Variants in SPOCK1 observed in about 807,000 individuals in gnomAD.
The protein encoded by SPOCK1 is testican-1.
SPOCK1 carries 23 observed loss-of-function variants against 55.3 expected under a neutral mutation model. The ratio of observed to expected loss-of-function variants is 0.42; its 90% CI spans 0.30 to 0.59. The LOEUF (loss-of-function observed/expected upper bound fraction) is 0.59. Ranked by LOEUF, SPOCK1 falls within the 20% of genes least tolerant of loss-of-function variation. SPOCK1 has a pLI of 0.22. For synonymous variants in SPOCK1, 226 were observed against 221.0 expected (o/e 1.02, Z -0.20); for missense variants, 499 against 552.5 (o/e 0.90, Z 0.97).
chr5:137,249,225 C>G (rs928082149), intron 3 of SPOCK1, among the ~76,000 whole-genome samples: 1 of 152,118 alleles, frequency 6.6e-6, no homozygotes, highest in African/African-American at 2.4e-5. Flanking sequence ...TGCACATTTC[C>G]TTTGATGTAG....
intron 2 of SPOCK1, among the ~76,000 whole-genome samples, chr5:137,390,265 C>T (rs1222710108): frequency 2.0e-5 from 3 of 152,142 alleles, no homozygotes; most frequent in Non-Finnish European, 4.4e-5. Flanking sequence ...ATCATGCTTG[C>T]CTGGAAGCCG....
At chr5:137,301,912 A>G (rs917837963) in intron 2 of SPOCK1, among the ~76,000 whole-genome samples, 1 of 152,178 alleles carries the variant, frequency 6.6e-6, no homozygotes, top group Non-Finnish European at 1.5e-5. Flanking sequence ...GGAGGATGGC[A>G]AGAGCTGTGA....
intron 6 of SPOCK1, among the ~76,000 whole-genome samples, chr5:137,060,067 C>A (rs567938121): frequency 6.6e-6 from 1 of 152,302 alleles, no homozygotes; most frequent in Non-Finnish European, 1.5e-5. Context: ...TAAAAGAGAA[C>A]TACCATTTGA....
At chr5:137,425,673 T>A (rs1277091608) in intron 2 of SPOCK1, among the ~76,000 whole-genome samples, 1 of 152,194 alleles carries the variant, frequency 6.6e-6, no homozygotes, top group Non-Finnish European at 1.5e-5. Context: ...TGCTTACCTC[T>A]ATCAGTGCCC....
At chr5:137,013,061 G>T (rs1287115657) in intron 6 of SPOCK1, among the ~76,000 whole-genome samples, 1 of 152,148 alleles carries the variant, frequency 6.6e-6, no homozygotes, top group Non-Finnish European at 1.5e-5. Context: ...GAGGGAGAAA[G>T]AGAGACACAG....
At chr5:137,014,912 T>C (rs1421983787) in intron 6 of SPOCK1, among the ~76,000 whole-genome samples, 1 of 152,160 alleles carries the variant, frequency 6.6e-6, no homozygotes, top group Non-Finnish European at 1.5e-5. Context: ...CTGAGAAAAC[T>C]TGGCAGGGTG....
At chr5:137,267,207 T>TA (rs371457198) in intron 2 of SPOCK1, 152 bp from the exon 3 acceptor site, 18 of 625,978 alleles carry the variant, frequency 2.9e-5, no homozygotes, top group South Asian at 1.3e-4. Context: ...TAATGTGTAA[T>TA]AAAAAAATAT....
chr5:137,168,411 G>A (rs1230436830), intron 3 of SPOCK1, among the ~76,000 whole-genome samples: 1 of 152,088 alleles, frequency 6.6e-6, no homozygotes, highest in Non-Finnish European at 1.5e-5. Context: ...AAAGTGAAGA[G>A]ACAACCCACA....
intron 6 of SPOCK1, among the ~76,000 whole-genome samples, chr5:137,051,527 T>C (rs990448801): frequency 6.6e-6 from 1 of 152,166 alleles, no homozygotes. Flanking sequence ...TATAAACACA[T>C]ATCAATGCCA....
chr5:137,396,479 C>T lies in SPOCK1; in HGVS notation c.186+101894G>A, dbSNP rs575671749. On this transcript the variant is annotated intron_variant, in intron 2 of 10. Transcript: ENST00000394945. ...TTTTTAAATATTTCTACATTAATTC[C>T]GGTGTCTGATAATGTGGCAGGAATC... 7.9e-5 allele frequency among the ~76,000 whole-genome samples: 12 copies of T among 152,270 alleles called. No individual in the cohort carries two copies. The South Asian group carries it at 1.9e-3, about 24-fold the overall frequency.
rs553379783 is a variant in SPOCK1 at position 137,225,336 on chromosome 5, TA to T, written c.232+41673del. On this transcript the variant is annotated intron_variant, in intron 3 of 10. Coordinates refer to ENST00000394945, the MANE Select transcript of SPOCK1 (RefSeq NM_004598.4). ...GTAAATGCAACTACCTCATAGAGGTTACTGTAGAAATAAAATAGGATAATGT... is the reference window on the plus strand; with the variant it reads ...GTAAATGCAACTACCTCATAGAGGTTCTGTAGAAATAAAATAGGATAATGT... Among the ~76,000 whole-genome samples, 411 of 152,290 alleles carry T rather than the reference TA, an allele frequency of 2.7e-3. 2 individuals are homozygous for T. Among genetic ancestry groups the T allele is most frequent in the African/African-American group, 9.2e-3 (383 of 41,560 alleles).
chr5:137,295,960 A>G (rs182796861), intron 2 of SPOCK1, among the ~76,000 whole-genome samples: 129 of 152,208 alleles, frequency 8.5e-4, no homozygotes, highest in Admixed American at 2.0e-3. Flanking sequence ...TTTTTTGTTG[A>G]TACCTAACCC....
intron 3 of SPOCK1, among the ~76,000 whole-genome samples, chr5:137,143,523 C>T (rs1754138549): frequency 3.3e-5 from 5 of 152,114 alleles, no homozygotes. Flanking sequence ...CTTGCTATAC[C>T]TCACTTTCCT....
At chr5:137,230,522 C>G (rs1756030261) in intron 3 of SPOCK1, among the ~76,000 whole-genome samples, 1 of 152,130 alleles carries the variant, frequency 6.6e-6, no homozygotes, top group African/African-American at 2.4e-5. Flanking sequence ...AAAAGTAAAA[C>G]TTCATTTTAA....
chr5:137,425,268 T>C (rs1752584478), intron 2 of SPOCK1, among the ~76,000 whole-genome samples: 1 of 152,166 alleles, frequency 6.6e-6, no homozygotes, highest in Non-Finnish European at 1.5e-5. Flanking sequence ...TTTTCTGGAT[T>C]CCCATAAAGC....
intron 2 of SPOCK1, among the ~76,000 whole-genome samples, chr5:137,450,499 G>C (rs1015984529): frequency 2.0e-5 from 3 of 152,164 alleles, no homozygotes; most frequent in African/African-American, 7.2e-5. Flanking sequence ...AGCTCAATCA[G>C]GGCTGACTTC....
chr5:137,263,837 G>T (rs539809934), intron 3 of SPOCK1, among the ~76,000 whole-genome samples: 2 of 152,248 alleles, frequency 1.3e-5, no homozygotes, highest in East Asian at 3.9e-4. Context: ...AAACATTAAA[G>T]ATTCACTTAA....
chr5:137,343,820 G>C (rs529833151), intron 2 of SPOCK1, among the ~76,000 whole-genome samples: 1 of 152,264 alleles, frequency 6.6e-6, no homozygotes, highest in South Asian at 2.1e-4. Flanking sequence ...AAGGTGCTGG[G>C]GGCTACTGAC....
chr5:137,426,703 C>T (rs2149827520), intron 2 of SPOCK1, among the ~76,000 whole-genome samples: 1 of 152,284 alleles, frequency 6.6e-6, no homozygotes, highest in South Asian at 2.1e-4. Context: ...TGTAAGAACT[C>T]CTGCTACCAG....
Sources: allele counts gnomAD v4.1 joint callset (sites outside exome capture counted in the v4.1 genomes callset), GRCh38; gene constraint gnomAD v4.1.1; transcripts MANE v1.5; gene names NCBI Gene and HGNC (gene_info 2026-07-23, HGNC 2026-07-21).